TECTB: variants seen among roughly 807,000 people sequenced by gnomAD.
The protein encoded by TECTB is beta-tectorin.
Under a neutral mutation model 43.3 loss-of-function variants are expected in TECTB, and 45 were observed. The observed-to-expected ratio is 1.04, with a 90% CI of 0.82 to 1.33. The LOEUF is 1.33. Among genes scored for constraint, TECTB ranks in the 40% most tolerant of loss-of-function variants. The pLI is 0.00. For synonymous variants in TECTB, 169 were observed against 156.7 expected (o/e 1.08, Z -0.59); for missense variants, 399 against 404.7 (o/e 0.99, Z 0.12).
chr10:112,300,563 G>A (rs1009754019), intron 9 of TECTB, among the ~76,000 whole-genome samples: 6 of 152,150 alleles, frequency 3.9e-5, no homozygotes, highest in African/African-American at 1.4e-4. Flanking sequence ...GTTAAGGAGG[G>A]TGACAGTGGG....
intron 5 of TECTB, among the ~76,000 whole-genome samples, chr10:112,287,081 G>A (rs1312230166): frequency 1.3e-5 from 2 of 152,176 alleles, no homozygotes; most frequent in African/African-American, 4.8e-5. Context: ...ACCCCCTCCA[G>A]AGATTTATAT....
In TECTB at chr10:112,303,515, C is replaced by T. The variant is rs545581349; in HGVS notation, c.*203C>T. The T allele has an allele frequency of 1.0e-4, 64 of 631,486 alleles. 1 individual carries two copies. Among genetic ancestry groups the T allele is most frequent in the South Asian group, 9.3e-4 (45 of 48,516 alleles). The allele number at this position is 631,486 out of a possible 1,614,324, so 39.1% of individuals were successfully genotyped here. On this transcript the variant is annotated 3_prime_UTR_variant, in exon 11 of 11. Transcript: ENST00000646139. ...TCTAAGAAAAACTTAGGCTACTTCC[C>T]GTGGCCCTTAGATCTCACAGTCCTT...
intron 3 of TECTB, among the ~76,000 whole-genome samples, chr10:112,285,396 A>G (rs1848445477): frequency 6.6e-6 from 1 of 152,178 alleles, no homozygotes; most frequent in Admixed American, 6.6e-5. Flanking sequence ...TCCATCTCAG[A>G]GCATGAGAGC....
In TECTB at chr10:112,283,437, C is replaced by G; in HGVS notation, c.-147C>G. 1 of 366,698 alleles carries G rather than the reference C, an allele frequency of 2.7e-6. No individual in the cohort carries two copies. Among genetic ancestry groups the G allele is most frequent in the Middle Eastern group, 7.3e-4 (1 of 1,378 alleles). The allele number at this position is 366,698 out of a possible 1,614,324, so 22.7% of individuals were successfully genotyped here. On this transcript the variant is annotated 5_prime_UTR_variant, in exon 1 of 11. Transcript: ENST00000646139. ...CATCCAGCAGCCAGCCTCTACAGTC[C>G]GGAGAGGATGAAACAGTCGGGAACA...
At chr10:112,291,279 A>G (rs145729052) in intron 5 of TECTB, among the ~76,000 whole-genome samples, 165 of 152,258 alleles carry the variant, frequency 1.1e-3, no homozygotes, top group African/African-American at 3.9e-3. Context: ...GCTGAGGATA[A>G]TGGCTTCCAA....
In TECTB at chr10:112,304,219, T is replaced by A. The variant is rs1319228960; in HGVS notation, c.*907T>A. On this transcript the variant is annotated 3_prime_UTR_variant, in exon 11 of 11. Transcript: ENST00000646139. The stretch of plus-strand genomic sequence containing the variant: ...AAATGCCTTGTGACACTCAATGCTA[T>A]TTTTTCTCTATTTGCTCTACTAAGA... The A allele has an allele frequency of 1.3e-5, 2 of 152,228 alleles. No individual in the cohort carries two copies. Among genetic ancestry groups the A allele is most frequent in the Non-Finnish European group, 2.9e-5 (2 of 68,042 alleles). The allele number at this position is 152,228 out of a possible 1,614,324, so 9.4% of individuals were successfully genotyped here. A position where few individuals can be genotyped will look rare whatever the true frequency, so the allele number is the denominator to read the frequency against.
In TECTB at chr10:112,303,665, A is replaced by G. The variant is rs919129375; in HGVS notation, c.*353A>G. The G allele has an allele frequency of 1.2e-5, 3 of 257,830 alleles. No homozygotes were observed. Among genetic ancestry groups the G allele is most frequent in the African/African-American group, 6.5e-5 (3 of 46,278 alleles). 16.0% of individuals were successfully genotyped at this position (257,830 alleles called of 1,614,324 possible). On this transcript the variant is annotated 3_prime_UTR_variant, in exon 11 of 11. Coordinates refer to ENST00000646139, the MANE Select transcript of TECTB (RefSeq NM_058222.3). ...CCAAGTACTGCTGAGCATTTTGAAG[A>G]GAATGTAGGGTGCAACTACAAAGTC...
At chr10:112,285,328 C>T (rs1440483761) in intron 3 of TECTB, among the ~76,000 whole-genome samples, 3 of 152,164 alleles carry the variant, frequency 2.0e-5, no homozygotes, top group Non-Finnish European at 4.4e-5. Context: ...GGTCTCCCAA[C>T]CTCCCCACCA....
intron 7 of TECTB, among the ~76,000 whole-genome samples, chr10:112,295,119 C>A (rs1026451759): frequency 6.6e-6 from 1 of 152,156 alleles, no homozygotes; most frequent in Non-Finnish European, 1.5e-5. Flanking sequence ...ACATCATACA[C>A]ATAATTAGCA....
intron 9 of TECTB, 40 bp downstream of exon 9, chr10:112,299,604 G>T: frequency 6.2e-7 from 1 of 1,606,088 alleles, no homozygotes. Flanking sequence ...AAACGGTTGA[G>T]TTCACGCTGG....
intron 5 of TECTB, among the ~76,000 whole-genome samples, chr10:112,290,210 G>A (rs1848486681): frequency 6.6e-6 from 1 of 152,176 alleles, no homozygotes; most frequent in South Asian, 2.1e-4. Flanking sequence ...GACACTACCT[G>A]TCTGTCAGTC....
rs1357277823 is a variant in TECTB at position 112,303,386 on chromosome 10, C to T, written c.*74C>T. On this transcript the variant is annotated 3_prime_UTR_variant, in exon 11 of 11. Coordinates refer to ENST00000646139, the MANE Select transcript of TECTB (RefSeq NM_058222.3). ...AATGACAAACACATTTATTGTGCTGCCAAAAAGAACAAACAGAAGACCACA... is the reference window on the plus strand; with the variant it reads ...AATGACAAACACATTTATTGTGCTGTCAAAAAGAACAAACAGAAGACCACA... 6.4e-7 allele frequency: 1 copy of T among 1,572,654 alleles called. No homozygotes were observed. Among genetic ancestry groups the T allele is most frequent in the African/African-American group, 1.4e-5 (1 of 74,016 alleles).
At chr10:112,297,291 C>T (rs1220956834) in intron 7 of TECTB, among the ~76,000 whole-genome samples, 1 of 152,108 alleles carries the variant, frequency 6.6e-6, no homozygotes, top group Non-Finnish European at 1.5e-5. Flanking sequence ...TCCCCTGGGG[C>T]ACAAAGTGGA....
intron 5 of TECTB, among the ~76,000 whole-genome samples, chr10:112,292,324 C>T (rs1163934233): frequency 2.6e-5 from 4 of 152,160 alleles, no homozygotes; most frequent in Non-Finnish European, 5.9e-5. Flanking sequence ...GGAAATATCC[C>T]ACATGCCAGG....
intron 5 of TECTB, 84 bp downstream of exon 5, chr10:112,286,475 T>G (rs962716107): frequency 7.1e-5 from 101 of 1,424,832 alleles, no homozygotes; most frequent in Non-Finnish European, 9.4e-5. Flanking sequence ...GATTCAGTCT[T>G]CCCCAAGCTC....
In TECTB at chr10:112,302,121, T is replaced by C. The variant is rs747929824; in HGVS notation, c.928T>C (p.Tyr310His). 3.1e-6 allele frequency: 5 copies of C among 1,613,968 alleles called. No individual in the cohort carries two copies. In the East Asian group the frequency reaches 6.7e-5, roughly 22 times the overall value. ...SLRSRGFSSL[Y>H]SFSDVLHHLI... is the part of the protein sequence containing the mutation. ...TACAGGCAGGGGATTTTCCAGTCTC[T>C]ATAGCTTCTCAGGTAAGGAAAAGAG... The change falls in exon 10 of 11, where the codon TAT (tyrosine) becomes CAT (histidine). Residue 310 changes from tyrosine to histidine, a missense_variant. Transcript: ENST00000646139.
intron 5 of TECTB, among the ~76,000 whole-genome samples, chr10:112,288,650 A>G (rs777934115): frequency 1.3e-5 from 2 of 152,114 alleles, no homozygotes; most frequent in Non-Finnish European, 2.9e-5. Context: ...TGAAGCAACA[A>G]CTGCTCCCTG....
Position 112,286,239 on chromosome 10 carries a change from C to T in TECTB, c.410+26C>T, listed in dbSNP as rs376075649. ...GTAAGTTGCTGTGCGGCATGGAGGG[C>T]TGGCTGCCTCATGTGTGTACTGCAG... On this transcript the variant is annotated intron_variant, in intron 4 of 10. Coordinates refer to ENST00000646139, the MANE Select transcript of TECTB (RefSeq NM_058222.3). 5 of 1,613,990 alleles carry T rather than the reference C, an allele frequency of 3.1e-6. No homozygotes were observed. In the African/African-American group the frequency reaches 6.7e-5, roughly 22 times the overall value.
At chr10:112,288,375 A>C (rs1848472116) in intron 5 of TECTB, among the ~76,000 whole-genome samples, 1 of 152,096 alleles carries the variant, frequency 6.6e-6, no homozygotes, top group Non-Finnish European at 1.5e-5. Context: ...TGTCCTCAGC[A>C]TCCCCCAGGC....
Sources: allele counts gnomAD v4.1 joint callset (sites outside exome capture counted in the v4.1 genomes callset), GRCh38; gene constraint gnomAD v4.1.1; transcripts MANE v1.5; gene names NCBI Gene and HGNC (gene_info 2026-07-23, HGNC 2026-07-21).